The following ARHGAP24 variants were observed in gnomAD, a reference collection of about 807,000 sequenced individuals.
ARHGAP24 encodes the protein rho GTPase-activating protein 24.
ARHGAP24 carries 50 observed loss-of-function variants against 76.4 expected under a neutral mutation model. The observed-to-expected ratio is 0.65, with a 90% confidence interval of 0.52 to 0.83. The LOEUF is 0.83. ARHGAP24 is among the 40% of genes least tolerant of loss of function. ARHGAP24 has a pLI of 0.00. For synonymous variants in ARHGAP24, 345 were observed against 323.3 expected (o/e 1.07, Z -0.72); for missense variants, 930 against 914.2 (o/e 1.02, Z -0.22).
intron 2 of ARHGAP24, among the ~76,000 whole-genome samples, chr4:85,702,517 A>G (rs1053063110): frequency 6.6e-6 from 1 of 152,204 alleles, no homozygotes; most frequent in Non-Finnish European, 1.5e-5. Context: ...TTTCATATAC[A>G]TTAACATATA....
At chr4:85,592,177 G>A (rs1332807272) in intron 2 of ARHGAP24, among the ~76,000 whole-genome samples, 1 of 152,158 alleles carries the variant, frequency 6.6e-6, no homozygotes, top group Admixed American at 6.6e-5. Flanking sequence ...TTTTGTGGGT[G>A]CATAGTAGAA....
intron 3 of ARHGAP24, among the ~76,000 whole-genome samples, chr4:85,882,431 C>A (rs1302059483): frequency 1.3e-5 from 2 of 151,872 alleles, no homozygotes; most frequent in Non-Finnish European, 2.9e-5. Context: ...ATTCTAGAAC[C>A]CCCTGATAAT....
At chr4:85,930,615 T>G in intron 4 of ARHGAP24, 1 of 1,071,010 alleles carries the variant, frequency 9.3e-7, no homozygotes, top group Non-Finnish European at 1.1e-6. Context: ...TGAATGGGAA[T>G]GGTAGCTTGC....
At chr4:85,956,686 G>A (rs1578430629) in intron 5 of ARHGAP24, among the ~76,000 whole-genome samples, 1 of 152,212 alleles carries the variant, frequency 6.6e-6, no homozygotes, top group Non-Finnish European at 1.5e-5. Flanking sequence ...CCCACTTAGC[G>A]ATGCAGAACA....
intron 3 of ARHGAP24, among the ~76,000 whole-genome samples, chr4:85,793,146 C>T (rs958800): frequency 0.26 from 39,648 of 151,920 alleles, 5,468 homozygotes; most frequent in African/African-American, 0.31. Context: ...TACCCTCTAC[C>T]TGTAGAAACA....
intron 1 of ARHGAP24, among the ~76,000 whole-genome samples, chr4:85,552,284 A>C (rs1006261069): frequency 6.6e-6 from 1 of 152,196 alleles, no homozygotes; most frequent in African/African-American, 2.4e-5. Flanking sequence ...TGATTAACCA[A>C]AGGTCATTCA....
intron 3 of ARHGAP24, among the ~76,000 whole-genome samples, chr4:85,861,159 C>A (rs181217226): frequency 6.6e-6 from 1 of 152,056 alleles, no homozygotes; most frequent in East Asian, 1.9e-4. Context: ...AACAAAAATG[C>A]CAAAATTAAA....
At chr4:85,811,577 A>G (rs1229398551) in intron 3 of ARHGAP24, among the ~76,000 whole-genome samples, 1 of 152,220 alleles carries the variant, frequency 6.6e-6, no homozygotes, top group African/African-American at 2.4e-5. Flanking sequence ...TTTTTATGCC[A>G]TTACTTAAAT....
chr4:85,961,218 A>G (rs916708489), intron 5 of ARHGAP24, among the ~76,000 whole-genome samples: 1 of 152,170 alleles, frequency 6.6e-6, no homozygotes. Flanking sequence ...CCCTCAATTT[A>G]TACATACATA....
intron 2 of ARHGAP24, among the ~76,000 whole-genome samples, chr4:85,591,404 A>G (rs1560544355): frequency 6.6e-6 from 1 of 152,062 alleles, no homozygotes; most frequent in East Asian, 1.9e-4. Context: ...TCACATATCT[A>G]CCAATGCTCA....
chr4:85,725,255 T>C (rs191295143), intron 3 of ARHGAP24, among the ~76,000 whole-genome samples: 41 of 152,328 alleles, frequency 2.7e-4, no homozygotes, highest in Admixed American at 6.5e-4. Context: ...TTTTACTGTA[T>C]ACCTAACACC....
Position 85,487,901 on chromosome 4 carries a change from A to G in ARHGAP24, c.-21+12342A>G, listed in dbSNP as rs1000100130. ...ATAATATATATAATAAATATATTTT[A>G]TATATATATATTTATTTATTTAGAG... On this transcript the variant is annotated intron_variant, in intron 1 of 9. Coordinates refer to ENST00000395184, the MANE Select transcript of ARHGAP24 (RefSeq NM_001025616.3). Among the ~76,000 whole-genome samples the G allele has an allele frequency of 3.8e-5, 5 of 130,102 alleles. No individual in the cohort carries two copies. In the Admixed American group the frequency reaches 4.7e-4, roughly 12 times the overall value. The allele number at this position is 130,102 out of a possible 152,430, so 85.4% of individuals were successfully genotyped here. A position where few individuals can be genotyped will look rare whatever the true frequency, so the allele number is the denominator to read the frequency against.
At chr4:85,917,551 TCTCCACATC>T (rs1735486860) in intron 3 of ARHGAP24, among the ~76,000 whole-genome samples, 1 of 152,168 alleles carries the variant, frequency 6.6e-6, no homozygotes, top group South Asian at 2.1e-4. Context: ...TGTTCCTATT[TCTCCACATC>T]CTCTCCAACA....
intron 3 of ARHGAP24, among the ~76,000 whole-genome samples, chr4:85,775,910 A>G (rs903872120): frequency 3.3e-5 from 5 of 152,190 alleles, no homozygotes; most frequent in African/African-American, 4.8e-5. Context: ...ATGATGGGAA[A>G]GATGAGAAAT....
chr4:85,936,156 G>A (rs1316357405), intron 4 of ARHGAP24, among the ~76,000 whole-genome samples: 1 of 152,164 alleles, frequency 6.6e-6, no homozygotes, highest in Non-Finnish European at 1.5e-5. Flanking sequence ...GTTGCAGTAA[G>A]CAGAGGATAA....
intron 3 of ARHGAP24, among the ~76,000 whole-genome samples, chr4:85,885,121 A>G (rs1033668452): frequency 2.0e-5 from 3 of 152,144 alleles, no homozygotes; most frequent in African/African-American, 7.2e-5. Context: ...TTATTAGCCA[A>G]CGTATTTTAG....
At chr4:85,725,431 C>T (rs1008957580) in intron 3 of ARHGAP24, among the ~76,000 whole-genome samples, 14 of 152,218 alleles carry the variant, frequency 9.2e-5, no homozygotes, top group Admixed American at 2.0e-4. Context: ...CCGCAAAGAC[C>T]TCTTTGTCAC....
At chr4:85,584,776 A>C (rs2109975304) in intron 2 of ARHGAP24, among the ~76,000 whole-genome samples, 1 of 152,278 alleles carries the variant, frequency 6.6e-6, no homozygotes, top group East Asian at 1.9e-4. Context: ...AGAAAAAAGA[A>C]GGAACTTCAT....
chr4:86,000,915 G>T lies in ARHGAP24; in HGVS notation c.*193G>T. On this transcript the variant is annotated 3_prime_UTR_variant, in exon 10 of 10. Transcript: ENST00000395184. ...TTATATCATGCCCCATAATGCTACT[G>T]TCAAGTGTTACAACTGGATATGTGT... is the stretch of plus-strand genomic sequence containing the variant. The T allele has an allele frequency of 1.3e-6, 1 of 789,712 alleles. No individual in the cohort carries two copies. Among genetic ancestry groups the T allele is most frequent in the Non-Finnish European group, 2.0e-6 (1 of 507,108 alleles). The allele number at this position is 789,712 out of a possible 1,614,324, so 48.9% of individuals were successfully genotyped here.
Sources: allele counts gnomAD v4.1 joint callset (sites outside exome capture counted in the v4.1 genomes callset), GRCh38; gene constraint gnomAD v4.1.1; transcripts MANE v1.5; gene names NCBI Gene and HGNC (gene_info 2026-07-23, HGNC 2026-07-21).